Variants in C12orf42 observed in about 807,000 individuals in gnomAD.
C12orf42 encodes the protein uncharacterized protein C12orf42.
In C12orf42, 25 loss-of-function variants were observed where a neutral mutation model predicts 21.6. The ratio of observed to expected loss-of-function variants is 1.16; its 90% CI spans 0.84 to 1.62. The LOEUF is 1.62. C12orf42 is among the 40% of genes most tolerant of loss of function. C12orf42 has a pLI of 0.00. For synonymous variants in C12orf42, 174 were observed against 175.0 expected (o/e 0.99, Z 0.05); for missense variants, 483 against 459.3 (o/e 1.05, Z -0.47).
chr12:103,061,750 A>T, the C12orf42 span, among the ~76,000 whole-genome samples: 4 of 151,656 alleles, frequency 2.6e-5, no homozygotes, highest in African/African-American at 9.7e-5. Context: ...ATCTCAAGTG[A>T]CATTATATCA....
chr12:103,501,481 C>T, the C12orf42 span, among the ~76,000 whole-genome samples: 2 of 152,172 alleles, frequency 1.3e-5, no homozygotes, highest in Admixed American at 6.5e-5. Flanking sequence ...TGTTAGTGAG[C>T]GCAGAGTTGG....
intron 4 of C12orf42, among the ~76,000 whole-genome samples, chr12:103,310,730 C>A (rs1397770941): frequency 6.6e-6 from 1 of 152,228 alleles, no homozygotes; most frequent in East Asian, 1.9e-4. Context: ...TGGTCTACCT[C>A]CAAAACGTTA....
At chr12:103,161,807 T>A in the C12orf42 span, among the ~76,000 whole-genome samples, 1 of 152,254 alleles carries the variant, frequency 6.6e-6, no homozygotes, top group African/African-American at 2.4e-5. Flanking sequence ...AGGGGTCATG[T>A]ACACAAAAAT....
At chr12:103,392,609 C>T (rs1010276545) in intron 3 of C12orf42, among the ~76,000 whole-genome samples, 2 of 93,196 alleles carry the variant, frequency 2.1e-5, no homozygotes, top group Non-Finnish European at 5.8e-5. Flanking sequence ...AATTGTTTTT[C>T]TTAATTTCCT....
chr12:103,539,707 G>C, the C12orf42 span, among the ~76,000 whole-genome samples: 1 of 151,980 alleles, frequency 6.6e-6, no homozygotes, highest in South Asian at 2.1e-4. Flanking sequence ...AGCCTCCTGA[G>C]TAGCTGGGAT....
chr12:103,406,695 C>G (rs141842916), intron 2 of C12orf42, among the ~76,000 whole-genome samples: 60 of 152,260 alleles, frequency 3.9e-4, no homozygotes, highest in African/African-American at 1.4e-3. Context: ...TACAGCACAA[C>G]AGGATAAAGA....
chr12:103,220,508 C>A, the C12orf42 span, among the ~76,000 whole-genome samples: 1 of 152,068 alleles, frequency 6.6e-6, no homozygotes, highest in Non-Finnish European at 1.5e-5. Context: ...TACAAAAGAT[C>A]TCTTTTTATA....
chr12:103,091,637 T>C, the C12orf42 span, among the ~76,000 whole-genome samples: 4 of 152,222 alleles, frequency 2.6e-5, no homozygotes, highest in African/African-American at 9.6e-5. Context: ...GTCAGCCACA[T>C]GTACTATGAT....
intron 4 of C12orf42, among the ~76,000 whole-genome samples, chr12:103,334,700 T>C (rs2041536694): frequency 6.6e-6 from 1 of 152,102 alleles, no homozygotes; most frequent in African/African-American, 2.4e-5. Flanking sequence ...GAATGGCATA[T>C]GTCAAGAGAG....
Position 103,304,072 on chromosome 12 carries a change from G to T in C12orf42, c.632-1513C>A, listed in dbSNP as rs115559903. Among the ~76,000 whole-genome samples the T allele has an allele frequency of 5.8e-3, 887 of 152,250 alleles. 11 individuals carry two copies. The highest frequency in any genetic ancestry group is 0.02 in the African/African-American group (846 of 41,550). ...AAGCAATTTAGTAATGATACATTTT[G>T]CAACAAACTATCTTAAAGGAACAGT... On this transcript the variant is annotated intron_variant, in intron 5 of 5. Coordinates refer to ENST00000548883, the MANE Select transcript of C12orf42 (RefSeq NM_198521.5).
At chr12:103,184,748 C>A in the C12orf42 span, among the ~76,000 whole-genome samples, 1 of 134,986 alleles carries the variant, frequency 7.4e-6, no homozygotes, top group Non-Finnish European at 1.5e-5. Context: ...AAAGTTCTCA[C>A]CCCCAGTAAC....
At chr12:103,387,625 T>TA (rs2046723512) in intron 3 of C12orf42, among the ~76,000 whole-genome samples, 1 of 152,216 alleles carries the variant, frequency 6.6e-6, no homozygotes, top group Admixed American at 6.5e-5. Flanking sequence ...TGTCCTCTTC[T>TA]ACCCATTGTA....
the C12orf42 span, among the ~76,000 whole-genome samples, chr12:103,090,397 A>G: frequency 7.2e-5 from 11 of 152,160 alleles, no homozygotes; most frequent in Non-Finnish European, 2.9e-5. Context: ...ACAGATTGAA[A>G]TGGGAAGTTT....
chr12:103,201,921 GTAAT>G, the C12orf42 span, among the ~76,000 whole-genome samples: 5 of 151,994 alleles, frequency 3.3e-5, no homozygotes, highest in African/African-American at 1.2e-4. Flanking sequence ...CAAGTAATAA[GTAAT>G]TAGCCAAAAA....
chr12:103,290,969 TCAC>T (rs890250427), intron 4 of C12orf42, among the ~76,000 whole-genome samples: 1 of 152,082 alleles, frequency 6.6e-6, no homozygotes, highest in African/African-American at 2.4e-5. Flanking sequence ...AGCCCAATCT[TCAC>T]CACTATGCTA....
chr12:103,423,588 T>C (rs1949549662), intron 2 of C12orf42, among the ~76,000 whole-genome samples: 1 of 152,218 alleles, frequency 6.6e-6, no homozygotes, highest in Non-Finnish European at 1.5e-5. Context: ...GATTTTGTGC[T>C]CTACTGTTTG....
chr12:103,508,457 GAA>G, the C12orf42 span, among the ~76,000 whole-genome samples: 12 of 151,590 alleles, frequency 7.9e-5, no homozygotes, highest in South Asian at 2.5e-3. Flanking sequence ...ATTTAAATAG[GAA>G]AAAAAAGTCC....
At chr12:103,328,981 C>T (rs1213720491) in intron 4 of C12orf42, among the ~76,000 whole-genome samples, 1 of 152,236 alleles carries the variant, frequency 6.6e-6, no homozygotes, top group East Asian at 1.9e-4. Context: ...AGTTCCTGCC[C>T]TTCAGAATAT....
chr12:103,175,856 A>G, the C12orf42 span, among the ~76,000 whole-genome samples: 1 of 152,138 alleles, frequency 6.6e-6, no homozygotes, highest in Non-Finnish European at 1.5e-5. Flanking sequence ...TAATAAGTAC[A>G]TACTGAGATG....
Sources: gnomAD v4.1 joint callset for allele counts (sites outside exome capture counted in the v4.1 genomes callset) on GRCh38, gnomAD v4.1.1 for gene constraint, MANE v1.5 for transcripts, NCBI Gene and HGNC (gene_info 2026-07-23, HGNC 2026-07-21) for gene names.